Variants in ERBB4 observed in about 807,000 individuals in gnomAD.
ERBB4 encodes the protein erb-b2 receptor tyrosine kinase 4, also known as receptor tyrosine-protein kinase erbB-4.
In ERBB4, 42 loss-of-function variants were observed where a neutral mutation model predicts 158.0. The ratio of observed to expected loss-of-function variants is 0.27; its 90% CI spans 0.21 to 0.34. The LOEUF (loss-of-function observed/expected upper bound fraction) is 0.34. Ranked by LOEUF, ERBB4 falls within the 10% of genes least tolerant of loss-of-function variation. ERBB4 has a pLI of 1.00. For synonymous variants in ERBB4, 583 were observed against 558.7 expected, an observed-to-expected ratio of 1.04 and a Z score of -0.61; for missense variants, 1,333 against 1,624.1, an observed-to-expected ratio of 0.82 and a Z score of 3.08.
chr2:212,534,830 C>T (rs377493767), intron 1 of ERBB4, among the ~76,000 whole-genome samples: 12 of 152,214 alleles, frequency 7.9e-5, no homozygotes, highest in South Asian at 2.1e-4. Flanking sequence ...GGAGGAAATA[C>T]GATTTTCCAT....
chr2:211,802,746 C>T (rs1000296501), intron 3 of ERBB4, among the ~76,000 whole-genome samples: 3 of 152,130 alleles, frequency 2.0e-5, no homozygotes, highest in Admixed American at 1.3e-4. Context: ...GCTATTTCCC[C>T]GCTTCAAAGC....
chr2:212,346,268 C>T (rs138026773), intron 1 of ERBB4, among the ~76,000 whole-genome samples: 1,706 of 151,752 alleles, frequency 0.011, 15 homozygotes, highest in Non-Finnish European at 0.015. Flanking sequence ...TCTATGTTTT[C>T]TAAGTATTTG....
At chr2:212,068,443 T>C (rs574430938) in intron 2 of ERBB4, among the ~76,000 whole-genome samples, 34 of 152,046 alleles carry the variant, frequency 2.2e-4, no homozygotes, top group Non-Finnish European at 4.4e-4. Context: ...CCACTAAACC[T>C]AAACTAATTT....
chr2:211,896,258 C>T (rs576421782), intron 3 of ERBB4, among the ~76,000 whole-genome samples: 11 of 152,274 alleles, frequency 7.2e-5, no homozygotes, highest in African/African-American at 2.4e-4. Context: ...ACTCCTGATT[C>T]TCTCTCTGAA....
At chr2:212,197,449 C>G (rs1445884391) in intron 1 of ERBB4, among the ~76,000 whole-genome samples, 4 of 152,132 alleles carry the variant, frequency 2.6e-5, no homozygotes, top group Non-Finnish European at 4.4e-5. Context: ...CCTAACCACA[C>G]ACTTATGCAA....
intron 1 of ERBB4, among the ~76,000 whole-genome samples, chr2:212,439,316 T>C (rs2092203720): frequency 6.6e-6 from 1 of 152,190 alleles, no homozygotes; most frequent in Non-Finnish European, 1.5e-5. Context: ...GCCTCACTTC[T>C]ACGTTTGCAA....
At chr2:212,384,334 C>G (rs2090604403) in intron 1 of ERBB4, among the ~76,000 whole-genome samples, 1 of 151,662 alleles carries the variant, frequency 6.6e-6, no homozygotes, top group Admixed American at 6.6e-5. Context: ...GCTGGGATCA[C>G]TTCCAGCATC....
intron 1 of ERBB4, among the ~76,000 whole-genome samples, chr2:212,262,651 AAAG>A (rs1221179019): frequency 3.9e-5 from 6 of 152,148 alleles, no homozygotes; most frequent in Non-Finnish European, 7.4e-5. Flanking sequence ...GCTTTATTTA[AAAG>A]AAGAAGAAGG....
At chr2:211,775,936 T>C (rs2075863291) in intron 4 of ERBB4, among the ~76,000 whole-genome samples, 1 of 152,214 alleles carries the variant, frequency 6.6e-6, no homozygotes, top group South Asian at 2.1e-4. Context: ...AAGATGGTGA[T>C]ATACAGACCG....
chr2:211,490,663 A>G (rs755899358), intron 20 of ERBB4, among the ~76,000 whole-genome samples: 12 of 152,050 alleles, frequency 7.9e-5, no homozygotes, highest in Non-Finnish European at 1.6e-4. Flanking sequence ...AGTAAGTCTC[A>G]TTGCCTATGG....
chr2:212,179,342 C>CTTTTTTTTTTTTTTTT (rs3038239), intron 1 of ERBB4, among the ~76,000 whole-genome samples: 1 of 145,960 alleles, frequency 6.9e-6, no homozygotes, highest in Non-Finnish European at 1.5e-5. Context: ...ACATTGAGAG[C>CTTTTTTTTTTTTTTTT]TTTTTTTTTT....
At chr2:211,568,318 T>C (rs1350187848) in intron 19 of ERBB4, among the ~76,000 whole-genome samples, 1 of 152,134 alleles carries the variant, frequency 6.6e-6, no homozygotes, top group Non-Finnish European at 1.5e-5. Flanking sequence ...ATTAAAAAGC[T>C]CTGAAGCATG....
chr2:211,643,158 T>A (rs1024959794), intron 16 of ERBB4, among the ~76,000 whole-genome samples: 2 of 152,114 alleles, frequency 1.3e-5, no homozygotes, highest in African/African-American at 4.8e-5. Flanking sequence ...AACAACTTCC[T>A]CAGTCTCTCT....
intron 2 of ERBB4, among the ~76,000 whole-genome samples, chr2:212,068,424 G>C (rs2078006867): frequency 6.6e-6 from 1 of 152,046 alleles, no homozygotes; most frequent in South Asian, 2.1e-4. Context: ...CCATGCTAAA[G>C]TTCCAAATCC....
At chr2:211,718,358 C>T (rs903383549) in intron 7 of ERBB4, among the ~76,000 whole-genome samples, 4 of 152,116 alleles carry the variant, frequency 2.6e-5, no homozygotes, top group Admixed American at 6.5e-5. Context: ...ATTGAGTATC[C>T]CTTATCCAAA....
At chr2:211,432,107 A>AT in intron 20 of ERBB4, among the ~76,000 whole-genome samples, 1 of 152,186 alleles carries the variant, frequency 6.6e-6, no homozygotes, top group Non-Finnish European at 1.5e-5. Context: ...ATATTTGATG[A>AT]TTTTTGTGGT....
At chr2:212,057,490 C>G (rs1575577791) in intron 2 of ERBB4, among the ~76,000 whole-genome samples, 1 of 152,164 alleles carries the variant, frequency 6.6e-6, no homozygotes, top group Admixed American at 6.6e-5. Flanking sequence ...CTTCTCAGCA[C>G]CACATCACAC....
intron 1 of ERBB4, among the ~76,000 whole-genome samples, chr2:212,513,133 C>A (rs1487837684): frequency 6.6e-6 from 1 of 152,062 alleles, no homozygotes; most frequent in East Asian, 1.9e-4. Context: ...TACCATTTAC[C>A]ATAAAATTTG....
At chr2:212,515,563 A>C (rs1691777592) in intron 1 of ERBB4, among the ~76,000 whole-genome samples, 1 of 151,992 alleles carries the variant, frequency 6.6e-6, no homozygotes, top group Non-Finnish European at 1.5e-5. Flanking sequence ...AATTCTTAAG[A>C]CTACTATATC....
Sources: gnomAD v4.1 joint callset for allele counts (sites outside exome capture counted in the v4.1 genomes callset) on GRCh38, gnomAD v4.1.1 for gene constraint, MANE v1.5 for transcripts, NCBI Gene and HGNC (gene_info 2026-07-23, HGNC 2026-07-21) for gene names.